The following HCN1 variants were observed in gnomAD, a reference collection of about 807,000 sequenced individuals.
HCN1 encodes hyperpolarization activated cyclic nucleotide gated potassium channel 1, also known as potassium/sodium hyperpolarization-activated cyclic nucleotide-gated channel 1.
In HCN1, 13 loss-of-function variants were observed where a neutral mutation model predicts 78.9. That is an observed-to-expected ratio of 0.16 (90% confidence interval 0.11 to 0.26). The LOEUF (loss-of-function observed/expected upper bound fraction) is 0.26. Ranked by LOEUF, HCN1 falls within the 10% of genes least tolerant of loss-of-function variation. The probability of loss-of-function intolerance (pLI) is 1.00; values close to 1 mark genes in which losing one functional copy is unlikely to be tolerated. For synonymous variants in HCN1, 552 were observed against 455.5 expected, an observed-to-expected ratio of 1.21 and a Z score of -2.70; for missense variants, 810 against 1,154.3, an observed-to-expected ratio of 0.70 and a Z score of 4.32.
At chr5:45,682,290 C>CATATATATATATATACATATATATATAT (rs1340648040) in intron 1 of HCN1, among the ~76,000 whole-genome samples, 1 of 52,756 alleles carries the variant, frequency 1.9e-5, no homozygotes, top group African/African-American at 6.6e-5. Context: ...TATATATATA[C>CATATATATATATATACATATATATATAT]ACATATATAT....
At chr5:45,660,209 C>A (rs1170281109) in intron 1 of HCN1, among the ~76,000 whole-genome samples, 1 of 119,746 alleles carries the variant, frequency 8.4e-6, no homozygotes, top group Non-Finnish European at 1.7e-5. Flanking sequence ...AACTAAGCTT[C>A]ATAAGTGAAG....
intron 2 of HCN1, 82 bp downstream of exon 2, chr5:45,645,103 C>T: frequency 2.0e-6 from 2 of 1,012,528 alleles, no homozygotes; most frequent in South Asian, 1.4e-5. Flanking sequence ...ACTCATTACA[C>T]ATTGCACAGT....
chr5:45,451,217 T>C (rs947509033), intron 3 of HCN1, among the ~76,000 whole-genome samples: 16 of 152,134 alleles, frequency 1.1e-4, no homozygotes, highest in Admixed American at 2.0e-4. Flanking sequence ...GGTTTCTATT[T>C]TAACATGATC....
chr5:45,394,303 C>G (rs1226806908), intron 4 of HCN1, among the ~76,000 whole-genome samples: 1 of 152,058 alleles, frequency 6.6e-6, no homozygotes, highest in Non-Finnish European at 1.5e-5. Context: ...TGCATGAGTG[C>G]TTCTCTGTGG....
chr5:45,483,793 G>A (rs1383163512), intron 2 of HCN1, among the ~76,000 whole-genome samples: 1 of 152,112 alleles, frequency 6.6e-6, no homozygotes, highest in Admixed American at 6.5e-5. Context: ...GTTAATTTCT[G>A]TATATGATGA....
chr5:45,344,940 C>A (rs1746667489), intron 5 of HCN1, among the ~76,000 whole-genome samples: 1 of 152,176 alleles, frequency 6.6e-6, no homozygotes, highest in African/African-American at 2.4e-5. Flanking sequence ...GGGTTCTGAC[C>A]TCACATTTCC....
intron 3 of HCN1, among the ~76,000 whole-genome samples, chr5:45,415,014 T>G (rs1740093259): frequency 6.6e-6 from 1 of 152,042 alleles, no homozygotes; most frequent in Admixed American, 6.6e-5. Context: ...TCTGTCACAA[T>G]TAGATATCAT....
At position 45,419,925 on chromosome 5, in the gene HCN1, T is replaced by A. The variant is rs137975309; in HGVS notation, c.1012-23215A>T. On this transcript the variant is annotated intron_variant, in intron 3 of 7. Coordinates refer to ENST00000303230, the MANE Select transcript of HCN1 (RefSeq NM_021072.4). ...TAAAACTTCCTTCAACTTTGTAACTTAAGAGTGACATCTGTTCTCTGTTGG... is the reference window on the plus strand; with the variant it reads ...TAAAACTTCCTTCAACTTTGTAACTAAAGAGTGACATCTGTTCTCTGTTGG... Among the ~76,000 whole-genome samples the A allele has an allele frequency of 1.0e-3, 152 of 152,242 alleles. 1 individual carries two copies. The highest frequency in any genetic ancestry group is 3.4e-3 in the African/African-American group (141 of 41,524).
chr5:45,319,938 C>A (rs553938504), intron 5 of HCN1, among the ~76,000 whole-genome samples: 3 of 151,754 alleles, frequency 2.0e-5, no homozygotes, highest in African/African-American at 7.2e-5. Context: ...AGTCCAATTT[C>A]GTGAAACCTC....
intron 5 of HCN1, among the ~76,000 whole-genome samples, chr5:45,347,922 C>G (rs1301808055): frequency 6.6e-6 from 1 of 152,136 alleles, no homozygotes; most frequent in African/African-American, 2.4e-5. Flanking sequence ...GAGAATGGAA[C>G]CAAGTTGGAA....
intron 2 of HCN1, among the ~76,000 whole-genome samples, chr5:45,482,647 A>T (rs1314745738): frequency 6.6e-6 from 1 of 152,104 alleles, no homozygotes; most frequent in African/African-American, 2.4e-5. Flanking sequence ...CAGGGGGTAC[A>T]TGTGCAGGTT....
At chr5:45,545,564 G>A (rs1286453753) in intron 2 of HCN1, among the ~76,000 whole-genome samples, 1 of 152,002 alleles carries the variant, frequency 6.6e-6, no homozygotes, top group Non-Finnish European at 1.5e-5. Flanking sequence ...TTTCTTCTAG[G>A]GTTTTTATGG....
chr5:45,504,260 C>T (rs1309862985), intron 2 of HCN1, among the ~76,000 whole-genome samples: 4 of 152,096 alleles, frequency 2.6e-5, no homozygotes, highest in Admixed American at 2.6e-4. Flanking sequence ...CTCCCCTCAC[C>T]CCACAACAGG....
At chr5:45,533,685 C>A (rs527860553) in intron 2 of HCN1, among the ~76,000 whole-genome samples, 1 of 152,258 alleles carries the variant, frequency 6.6e-6, no homozygotes, top group East Asian at 1.9e-4. Flanking sequence ...GAGGGCACAG[C>A]AAGAATTGGA....
At chr5:45,374,009 ATAATATATATTATATATAT>A (rs1242921002) in intron 4 of HCN1, among the ~76,000 whole-genome samples, 86 of 110,532 alleles carry the variant, frequency 7.8e-4, no homozygotes, top group Non-Finnish European at 1.3e-3. Context: ...TATTATATAC[ATAATATATATTATATATAT>A]TATATACATA....
At chr5:45,476,189 C>T (rs1022434474) in intron 2 of HCN1, among the ~76,000 whole-genome samples, 1 of 152,086 alleles carries the variant, frequency 6.6e-6, no homozygotes, top group Non-Finnish European at 1.5e-5. Context: ...CTCTCTCTGT[C>T]GTGTGAGGAT....
At chr5:45,277,089 A>C (rs533877506) in intron 6 of HCN1, among the ~76,000 whole-genome samples, 2 of 152,138 alleles carry the variant, frequency 1.3e-5, no homozygotes, top group South Asian at 4.1e-4. Flanking sequence ...CTTCAGGAAA[A>C]ACTTCGTGTG....
At chr5:45,400,897 C>CA (rs1739783118) in intron 3 of HCN1, among the ~76,000 whole-genome samples, 2 of 152,062 alleles carry the variant, frequency 1.3e-5, no homozygotes, top group Admixed American at 1.3e-4. Context: ...TTTTTTCCCA[C>CA]AAAAATGAAT....
chr5:45,695,994 C>A lies in HCN1; in HGVS notation c.100G>T (p.Ala34Ser). ...KASATGAGPA[A>S]AEKRLGTPPG... ...GGGGTGCCCAGGCGCTTCTCGGCCG[C>A]GGCCGGCCCCGCGCCCGTCGCGGAC... The change falls in exon 1 of 8, where the codon GCG becomes TCG. Residue 34 changes from alanine (A) to serine (S), a missense_variant. Coordinates refer to ENST00000303230, the MANE Select transcript of HCN1 (RefSeq NM_021072.4). The A allele has an allele frequency of 1.5e-6, 2 of 1,292,004 alleles. No homozygotes were observed. Among genetic ancestry groups the A allele is most frequent in the Non-Finnish European group, 2.0e-6 (2 of 1,017,744 alleles). 80.0% of individuals were successfully genotyped at this position (1,292,004 alleles called of 1,614,324 possible). A position where few individuals can be genotyped will look rare whatever the true frequency, so the allele number is the denominator to read the frequency against.
Sources: gnomAD v4.1 joint callset for allele counts (sites outside exome capture counted in the v4.1 genomes callset) on GRCh38, gnomAD v4.1.1 for gene constraint, MANE v1.5 for transcripts, NCBI Gene and HGNC (gene_info 2026-07-23, HGNC 2026-07-21) for gene names.